Variants in PAK5 observed in about 807,000 individuals in gnomAD.
PAK5 encodes p21 (RAC1) activated kinase 5.
Under a neutral mutation model 65.9 loss-of-function variants are expected in PAK5, and 16 were observed. The observed-to-expected ratio is 0.24, with a 90% CI of 0.16 to 0.37. PAK5 has a LOEUF of 0.37. Ranked by LOEUF, PAK5 falls within the 10% of genes least tolerant of loss-of-function variation. PAK5 has a pLI of 1.00. For synonymous variants in PAK5, 371 were observed against 354.9 expected (o/e 1.05, Z -0.51); for missense variants, 785 against 903.9 (o/e 0.87, Z 1.69).
intron 2 of PAK5, among the ~76,000 whole-genome samples, chr20:9,671,904 CT>C (rs1002228483): frequency 1.3e-5 from 2 of 152,072 alleles, no homozygotes; most frequent in African/African-American, 2.4e-5. Context: ...AAAGGTACCC[CT>C]GACTTTAAAA....
At chr20:9,686,285 T>C (rs915325314) in intron 2 of PAK5, among the ~76,000 whole-genome samples, 1 of 152,206 alleles carries the variant, frequency 6.6e-6, no homozygotes, top group Non-Finnish European at 1.5e-5. Context: ...CCTTGGTGAC[T>C]GGTGTCTGAG....
At chr20:9,810,094 G>A (rs1423988244) in intron 1 of PAK5, among the ~76,000 whole-genome samples, 2 of 151,986 alleles carry the variant, frequency 1.3e-5, no homozygotes, top group African/African-American at 4.8e-5. Flanking sequence ...GCACTTCCAG[G>A]CTCCTTCCAC....
chr20:9,546,340 C>T (rs6056689), intron 7 of PAK5, among the ~76,000 whole-genome samples: 3 of 152,274 alleles, frequency 2.0e-5, no homozygotes, highest in South Asian at 4.1e-4. Flanking sequence ...CACCTCACTC[C>T]TAATTTAGCA....
intron 2 of PAK5, among the ~76,000 whole-genome samples, chr20:9,668,197 G>A (rs2047445741): frequency 6.6e-6 from 1 of 152,150 alleles, no homozygotes; most frequent in Non-Finnish European, 1.5e-5. Context: ...AATAGCACAT[G>A]TACTCCTAAA....
intron 1 of PAK5, among the ~76,000 whole-genome samples, chr20:9,723,240 G>T (rs754079089): frequency 6.6e-6 from 1 of 152,146 alleles, no homozygotes; most frequent in Non-Finnish European, 1.5e-5. Context: ...CAGCGGGTTT[G>T]CACAAGGGTA....
At chr20:9,667,441 AC>A (rs2047435472) in intron 2 of PAK5, among the ~76,000 whole-genome samples, 1 of 107,268 alleles carries the variant, frequency 9.3e-6, no homozygotes, top group Non-Finnish European at 1.9e-5. Context: ...GAGTTCAACT[AC>A]CCTGAGTATT....
intron 2 of PAK5, among the ~76,000 whole-genome samples, chr20:9,685,061 T>G (rs181649572): frequency 1.3e-5 from 2 of 152,350 alleles, no homozygotes; most frequent in East Asian, 3.9e-4. Flanking sequence ...AGCTTGATTC[T>G]AACATCTCTA....
chr20:9,618,268 C>T (rs1393952945), intron 3 of PAK5, among the ~76,000 whole-genome samples: 2 of 151,988 alleles, frequency 1.3e-5, no homozygotes, highest in Admixed American at 6.6e-5. Flanking sequence ...AAGTTTTAAC[C>T]CCTCTAAATT....
intron 3 of PAK5, among the ~76,000 whole-genome samples, chr20:9,584,075 C>T (rs1603230934): frequency 6.6e-6 from 1 of 151,984 alleles, no homozygotes; most frequent in South Asian, 2.1e-4. Context: ...TTGGAGCCTC[C>T]CTTAGAGAAA....
chr20:9,685,178 G>T (rs1410346797), intron 2 of PAK5, among the ~76,000 whole-genome samples: 1 of 152,088 alleles, frequency 6.6e-6, no homozygotes, highest in Non-Finnish European at 1.5e-5. Flanking sequence ...TTCTAACTGG[G>T]TAAACCTTAT....
At chr20:9,591,526 G>T (rs1283003777) in intron 3 of PAK5, among the ~76,000 whole-genome samples, 3 of 152,030 alleles carry the variant, frequency 2.0e-5, no homozygotes, top group Admixed American at 6.6e-5. Context: ...TAAGTTGACT[G>T]GTCTTTGAAA....
chr20:9,825,670 C>A (rs558983381), intron 1 of PAK5, among the ~76,000 whole-genome samples: 1 of 152,202 alleles, frequency 6.6e-6, no homozygotes, highest in South Asian at 2.1e-4. Flanking sequence ...CCTATTTATG[C>A]AAATGTTTTT....
At chr20:9,748,539 C>T (rs1207350588) in intron 1 of PAK5, among the ~76,000 whole-genome samples, 2 of 152,156 alleles carry the variant, frequency 1.3e-5, no homozygotes, top group Non-Finnish European at 2.9e-5. Flanking sequence ...CACCACATAT[C>T]TACAACTATC....
At chr20:9,629,279 G>T (rs2046890673) in intron 3 of PAK5, among the ~76,000 whole-genome samples, 1 of 152,160 alleles carries the variant, frequency 6.6e-6, no homozygotes, top group African/African-American at 2.4e-5. Flanking sequence ...ATGGTAATTT[G>T]TTACATAGCA....
chr20:9,726,206 C>T (rs1464718662), intron 1 of PAK5, among the ~76,000 whole-genome samples: 3 of 152,136 alleles, frequency 2.0e-5, no homozygotes, highest in African/African-American at 7.2e-5. Context: ...CCATTCTAAA[C>T]AAATTCTCAC....
At chr20:9,629,488 T>G (rs900340648) in intron 3 of PAK5, among the ~76,000 whole-genome samples, 1 of 147,516 alleles carries the variant, frequency 6.8e-6, no homozygotes, top group Non-Finnish European at 1.5e-5. Flanking sequence ...TTTTTTTTTT[T>G]GAAATATTTA....
At chr20:9,639,721 C>T (rs774642598) in intron 3 of PAK5, among the ~76,000 whole-genome samples, 1 of 152,214 alleles carries the variant, frequency 6.6e-6, no homozygotes. Context: ...AAAGCCCATA[C>T]TAGTGAGTAA....
At chr20:9,680,661 A>G (rs2047637543) in intron 2 of PAK5, among the ~76,000 whole-genome samples, 1 of 152,184 alleles carries the variant, frequency 6.6e-6, no homozygotes, top group Non-Finnish European at 1.5e-5. Flanking sequence ...TGACCAGAAA[A>G]AGTCCTCCGG....
chr20:9,680,902 A>G (rs1464163681), intron 2 of PAK5, among the ~76,000 whole-genome samples: 1 of 152,188 alleles, frequency 6.6e-6, no homozygotes, highest in Admixed American at 6.5e-5. Flanking sequence ...GTATTCTGCA[A>G]TTGTTAGGTG....
Sources: allele counts gnomAD v4.1 joint callset (sites outside exome capture counted in the v4.1 genomes callset), GRCh38; gene constraint gnomAD v4.1.1; transcripts MANE v1.5; gene names NCBI Gene and HGNC (gene_info 2026-07-23, HGNC 2026-07-21).